The following ANTXR2 variants were observed in gnomAD, a reference collection of about 807,000 sequenced individuals.
ANTXR2 encodes the protein anthrax toxin receptor 2.
ANTXR2 carries 44 observed loss-of-function variants against 73.7 expected under a neutral mutation model. The observed-to-expected ratio is 0.60, with a 90% confidence interval of 0.47 to 0.77. The LOEUF (loss-of-function observed/expected upper bound fraction) is 0.77, where lower values mean the gene tolerates loss of function less well. Ranked by LOEUF, ANTXR2 falls within the 30% of genes least tolerant of loss-of-function variation. The probability of loss-of-function intolerance (pLI) is 0.00; values close to 1 mark genes in which losing one functional copy is unlikely to be tolerated. For synonymous variants in ANTXR2, 217 were observed against 205.9 expected (o/e 1.05, Z -0.46); for missense variants, 604 against 592.5 (o/e 1.02, Z -0.20).
chr4:79,912,799 T>C (rs1028363847), intron 16 of ANTXR2, among the ~76,000 whole-genome samples: 1 of 152,064 alleles, frequency 6.6e-6, no homozygotes, highest in Non-Finnish European at 1.5e-5. Context: ...GTTGAATAAA[T>C]TCAGATTCAT....
chr4:79,918,589 A>T (rs964636106), intron 16 of ANTXR2, among the ~76,000 whole-genome samples: 9 of 152,280 alleles, frequency 5.9e-5, no homozygotes, highest in African/African-American at 2.2e-4. Context: ...ATCAATTAAG[A>T]TGTCTCCATT....
chr4:79,908,976 G>A (rs1578073050), intron 16 of ANTXR2, among the ~76,000 whole-genome samples: 1 of 152,204 alleles, frequency 6.6e-6, no homozygotes, highest in South Asian at 2.1e-4. Flanking sequence ...TTTTTCAAGA[G>A]GGACAGGTAG....
chr4:80,053,924 A>C (rs774766428), intron 7 of ANTXR2, among the ~76,000 whole-genome samples: 2 of 151,782 alleles, frequency 1.3e-5, no homozygotes, highest in Non-Finnish European at 2.9e-5. Context: ...TCACACATCA[A>C]TCCAAATTTT....
intron 11 of ANTXR2, among the ~76,000 whole-genome samples, chr4:80,017,578 T>C (rs1424242873): frequency 6.6e-6 from 1 of 152,178 alleles, no homozygotes; most frequent in Non-Finnish European, 1.5e-5. Flanking sequence ...TCAGCATCCT[T>C]GCATGTGAAA....
intron 4 of ANTXR2, 133 bp from the exon 5 acceptor site, chr4:80,055,600 G>A: frequency 2.7e-6 from 2 of 738,948 alleles, no homozygotes; most frequent in East Asian, 2.7e-5. Flanking sequence ...GGTAATTTGT[G>A]TTAACTATTT....
At chr4:80,025,500 G>A (rs751911274) in intron 10 of ANTXR2, among the ~76,000 whole-genome samples, 6 of 152,108 alleles carry the variant, frequency 3.9e-5, no homozygotes, top group Non-Finnish European at 8.8e-5. Flanking sequence ...AAAGACATTT[G>A]CTGGAAGTAA....
At position 79,903,958 on chromosome 4, in the gene ANTXR2, C is replaced by T. The variant is rs1420218696; in HGVS notation, c.*3471G>A. The stretch of plus-strand genomic sequence containing the variant: ...ATGCTAGTAAAAGCTAACCAATATA[C>T]AATATATGCATGGAGTAGGAAGTTA... On this transcript the variant is annotated 3_prime_UTR_variant, in exon 17 of 17. Coordinates refer to ENST00000403729, the MANE Select transcript of ANTXR2 (RefSeq NM_058172.6). 3 of 152,100 alleles carry T rather than the reference C, an allele frequency of 2.0e-5. No homozygotes were observed. The highest frequency in any genetic ancestry group is 2.9e-5 in the Non-Finnish European group (2 of 67,988). The allele number at this position is 152,100 out of a possible 1,614,324, so 9.4% of individuals were successfully genotyped here. A position where few individuals can be genotyped will look rare whatever the true frequency, so the allele number is the denominator to read the frequency against.
chr4:80,063,976 T>A (rs1306358100), intron 3 of ANTXR2, among the ~76,000 whole-genome samples: 2 of 152,208 alleles, frequency 1.3e-5, no homozygotes, highest in African/African-American at 4.8e-5. Flanking sequence ...TAGACTTTTA[T>A]AGATACTACC....
chr4:80,033,690 T>A, intron 8 of ANTXR2, 120 bp from the exon 9 acceptor site: 1 of 697,598 alleles, frequency 1.4e-6, no homozygotes, highest in Non-Finnish European at 2.3e-6. Flanking sequence ...TTCAGTTAAC[T>A]AATAGCAATG....
chr4:79,950,828 T>C (rs929586965), intron 16 of ANTXR2, among the ~76,000 whole-genome samples: 11 of 152,176 alleles, frequency 7.2e-5, no homozygotes, highest in Non-Finnish European at 1.5e-5. Flanking sequence ...TTTCCAGTAT[T>C]TTCTTTCAAG....
intron 16 of ANTXR2, among the ~76,000 whole-genome samples, chr4:79,952,248 TTG>T (rs1728735830): frequency 6.6e-6 from 1 of 151,190 alleles, no homozygotes; most frequent in Non-Finnish European, 1.5e-5. Context: ...AGAATCCATC[TTG>T]ACTATACAAC....
At chr4:79,982,374 C>T (rs547876348) in intron 14 of ANTXR2, among the ~76,000 whole-genome samples, 9 of 152,042 alleles carry the variant, frequency 5.9e-5, no homozygotes, top group Middle Eastern at 3.4e-3. Flanking sequence ...CTTTTTTCCC[C>T]GTTATATAGA....
chr4:79,992,464 T>C (rs1730517266), intron 12 of ANTXR2, among the ~76,000 whole-genome samples: 1 of 151,898 alleles, frequency 6.6e-6, no homozygotes, highest in Admixed American at 6.6e-5. Flanking sequence ...TACAAAGCCA[T>C]TATTTCTACT....
intron 11 of ANTXR2, among the ~76,000 whole-genome samples, chr4:80,014,103 G>A (rs1731723477): frequency 6.6e-6 from 1 of 151,848 alleles, no homozygotes; most frequent in Non-Finnish European, 1.5e-5. Context: ...TTCTTCACTC[G>A]GTGTCTGGTC....
At chr4:79,965,889 ATAC>A (rs1729342726) in intron 16 of ANTXR2, among the ~76,000 whole-genome samples, 2 of 152,186 alleles carry the variant, frequency 1.3e-5, no homozygotes, top group African/African-American at 4.8e-5. Flanking sequence ...TAAAAGTGAT[ATAC>A]ATTTTCAAAG....
intron 16 of ANTXR2, among the ~76,000 whole-genome samples, chr4:79,966,208 T>C (rs896030271): frequency 1.6e-4 from 18 of 109,728 alleles, no homozygotes; most frequent in African/African-American, 3.4e-4. Context: ...TAAATGTAGG[T>C]AGATAGTTAT....
chr4:80,026,010 A>C (rs1732418264), intron 10 of ANTXR2, among the ~76,000 whole-genome samples: 1 of 152,194 alleles, frequency 6.6e-6, no homozygotes, highest in South Asian at 2.1e-4. Context: ...CTAAAAAGAC[A>C]CTTAAAAAAC....
chr4:80,033,593 A>G, intron 8 of ANTXR2, 23 bp from the exon 9 acceptor site: 1 of 1,504,436 alleles, frequency 6.6e-7, no homozygotes, highest in Non-Finnish European at 9.0e-7. Flanking sequence ...GGAAAAATAA[A>G]CATTTAATCA....
At chr4:80,049,231 C>A (rs1268861813) in intron 7 of ANTXR2, among the ~76,000 whole-genome samples, 2 of 151,696 alleles carry the variant, frequency 1.3e-5, no homozygotes, top group African/African-American at 4.8e-5. Flanking sequence ...CCATATTATT[C>A]ACCAATCTGT....
Sources: gnomAD v4.1 joint callset for allele counts (sites outside exome capture counted in the v4.1 genomes callset) on GRCh38, gnomAD v4.1.1 for gene constraint, MANE v1.5 for transcripts, NCBI Gene and HGNC (gene_info 2026-07-23, HGNC 2026-07-21) for gene names.